CADPS2: variants seen among roughly 807,000 people sequenced by gnomAD.
CADPS2 encodes the protein calcium dependent secretion activator 2.
CADPS2 carries 93 observed loss-of-function variants against 172.5 expected under a neutral mutation model. That is an observed-to-expected ratio of 0.54 (90% CI 0.46 to 0.64). The LOEUF (loss-of-function observed/expected upper bound fraction) is 0.64, where lower values mean the gene tolerates loss of function less well. Among genes scored for constraint, CADPS2 ranks in the 30% least tolerant of loss-of-function variants. The probability of loss-of-function intolerance (pLI) is 0.00; values close to 1 mark genes in which losing one functional copy is unlikely to be tolerated. For synonymous variants in CADPS2, 546 were observed against 555.2 expected, an observed-to-expected ratio of 0.98 and a Z score of 0.23; for missense variants, 1,420 against 1,565.9, an observed-to-expected ratio of 0.91 and a Z score of 1.57.
chr7:122,636,329 G>A (rs2077057047), intron 3 of CADPS2, among the ~76,000 whole-genome samples: 1 of 151,984 alleles, frequency 6.6e-6, no homozygotes, highest in African/African-American at 2.4e-5. Context: ...TATCTGAGAA[G>A]TATTTTATTT....
In CADPS2 at chr7:122,679,972, A is replaced by G. The variant is rs964219862; in HGVS notation, c.454-16403T>C. On this transcript the variant is annotated intron_variant, in intron 2 of 29. Transcript: ENST00000449022. ...TTGCTTCCAAGTTAAACTATAAACT[A>G]AATCTTTGCCATGATTAGCTTGACC... Among the ~76,000 whole-genome samples, 56 of 152,246 alleles carry G rather than the reference A, an allele frequency of 3.7e-4. 2 individuals are homozygous for G.
chr7:122,847,498 GCT>G (rs1443162096), intron 1 of CADPS2, among the ~76,000 whole-genome samples: 41 of 152,212 alleles, frequency 2.7e-4, no homozygotes, highest in Admixed American at 2.0e-4. Context: ...TATGTGTTCA[GCT>G]CTGTGTCTTT....
chr7:122,531,241 GAA>G (rs1313452701), intron 8 of CADPS2, among the ~76,000 whole-genome samples: 4 of 152,212 alleles, frequency 2.6e-5, no homozygotes, highest in Admixed American at 6.5e-5. Flanking sequence ...GAGCGTCAAA[GAA>G]AAGAGTGTCC....
chr7:122,773,587 A>T (rs117742715), intron 1 of CADPS2, among the ~76,000 whole-genome samples: 1,922 of 152,208 alleles, frequency 0.013, 17 homozygotes, highest in Middle Eastern at 0.02. Flanking sequence ...CCAGAAGTTC[A>T]AAAAAGGCTT....
chr7:122,569,291 A>C (rs1457131843), intron 7 of CADPS2, among the ~76,000 whole-genome samples: 1 of 152,116 alleles, frequency 6.6e-6, no homozygotes, highest in Admixed American at 6.6e-5. Context: ...ACTGCTTCAA[A>C]GAGAATAAAA....
At chr7:122,824,240 G>A (rs1186821482) in intron 1 of CADPS2, among the ~76,000 whole-genome samples, 4 of 152,184 alleles carry the variant, frequency 2.6e-5, no homozygotes, top group Non-Finnish European at 5.9e-5. Flanking sequence ...TTTCATTGAT[G>A]AAAAGACTAA....
chr7:122,721,356 T>C (rs1461228135), intron 2 of CADPS2, among the ~76,000 whole-genome samples: 1 of 151,998 alleles, frequency 6.6e-6, no homozygotes, highest in African/African-American at 2.4e-5. Context: ...ATAAAGGGGA[T>C]ATCCCCACCG....
At chr7:122,471,021 A>G (rs1673151685) in intron 14 of CADPS2, among the ~76,000 whole-genome samples, 1 of 152,196 alleles carries the variant, frequency 6.6e-6, no homozygotes, top group African/African-American at 2.4e-5. Context: ...AGACCTATCA[A>G]CACATCCTAC....
intron 1 of CADPS2, among the ~76,000 whole-genome samples, chr7:122,770,507 G>C (rs1201458187): frequency 6.6e-6 from 1 of 152,116 alleles, no homozygotes; most frequent in African/African-American, 2.4e-5. Flanking sequence ...CAACTCACAA[G>C]GTTCCCTGAC....
chr7:122,792,886 C>T (rs1165232810), intron 1 of CADPS2, among the ~76,000 whole-genome samples: 2 of 152,172 alleles, frequency 1.3e-5, no homozygotes, highest in African/African-American at 4.8e-5. Flanking sequence ...TCAATATATA[C>T]TGAATAGGAT....
intron 17 of CADPS2, among the ~76,000 whole-genome samples, chr7:122,434,264 T>C (rs575750268): frequency 6.6e-6 from 1 of 152,240 alleles, no homozygotes; most frequent in African/African-American, 2.4e-5. Context: ...ATTGTAGGTG[T>C]GTTCTTTCTC....
chr7:122,601,724 C>A (rs1302862435), intron 6 of CADPS2, among the ~76,000 whole-genome samples: 1 of 152,008 alleles, frequency 6.6e-6, no homozygotes, highest in Non-Finnish European at 1.5e-5. Context: ...TAGACGTACT[C>A]TTCCCAGGAA....
At chr7:122,514,303 C>T (rs1269475810) in intron 8 of CADPS2, among the ~76,000 whole-genome samples, 3 of 151,854 alleles carry the variant, frequency 2.0e-5, no homozygotes, top group South Asian at 2.1e-4. Flanking sequence ...GCTGTTCAAA[C>T]GAAATTTATA....
intron 8 of CADPS2, among the ~76,000 whole-genome samples, chr7:122,541,884 T>TTC (rs1335031988): frequency 1.4e-5 from 2 of 145,614 alleles, no homozygotes; most frequent in Non-Finnish European, 3.0e-5. Context: ...TATTTATATA[T>TTC]ATTCATATAT....
intron 12 of CADPS2, among the ~76,000 whole-genome samples, chr7:122,477,760 T>G (rs1262398991): frequency 6.6e-6 from 1 of 152,104 alleles, no homozygotes; most frequent in Non-Finnish European, 1.5e-5. Context: ...AATTAGCAAA[T>G]CTGTCATCTC....
intron 6 of CADPS2, among the ~76,000 whole-genome samples, chr7:122,593,316 C>T (rs73719709): frequency 6.6e-6 from 1 of 151,624 alleles, no homozygotes; most frequent in East Asian, 1.9e-4. Flanking sequence ...GAAAAAAGAC[C>T]GATTAAATAA....
chr7:122,730,974 A>G (rs1016992902), intron 2 of CADPS2, among the ~76,000 whole-genome samples: 1 of 151,268 alleles, frequency 6.6e-6, no homozygotes, highest in African/African-American at 2.4e-5. Flanking sequence ...CAAATTTCAT[A>G]ATAAACATAT....
chr7:122,556,743 C>T (rs754348589), intron 7 of CADPS2, among the ~76,000 whole-genome samples: 19 of 152,114 alleles, frequency 1.2e-4, no homozygotes, highest in Admixed American at 4.6e-4. Context: ...ATTAAATAAA[C>T]ACTGAGTTCT....
chr7:122,694,727 A>G (rs1407932654), intron 2 of CADPS2, among the ~76,000 whole-genome samples: 2 of 152,238 alleles, frequency 1.3e-5, no homozygotes, highest in African/African-American at 2.4e-5. Flanking sequence ...TTAATTTATA[A>G]TCTTTATTTT....
Sources: allele counts gnomAD v4.1 joint callset (sites outside exome capture counted in the v4.1 genomes callset), GRCh38; gene constraint gnomAD v4.1.1; transcripts MANE v1.5; gene names NCBI Gene and HGNC (gene_info 2026-07-23, HGNC 2026-07-21).